ELOVL6: variants seen among roughly 807,000 people sequenced by gnomAD.
ELOVL6 encodes ELOVL fatty acid elongase 6.
Under a neutral mutation model 31.7 loss-of-function variants are expected in ELOVL6, and 8 were observed. The ratio of observed to expected loss-of-function variants is 0.25; its 90% confidence interval spans 0.15 to 0.45. ELOVL6 has a LOEUF of 0.45. Ranked by LOEUF, ELOVL6 falls within the 20% of genes least tolerant of loss-of-function variation. The pLI, the probability that ELOVL6 is intolerant of heterozygous loss-of-function variation, is 1.00. For missense variants in ELOVL6, 126 were observed against 326.4 expected, an observed-to-expected ratio of 0.39 and a Z score of 4.73; for synonymous variants, 101 against 117.7, an observed-to-expected ratio of 0.86 and a Z score of 0.92.
At chr4:110,083,910 TAG>T (rs1208996335) in intron 2 of ELOVL6, among the ~76,000 whole-genome samples, 2 of 59,634 alleles carry the variant, frequency 3.4e-5, no homozygotes, top group African/African-American at 5.1e-5. Flanking sequence ...TATATACACA[TAG>T]AGAGAGAGAT....
chr4:110,125,642 G>A (rs1351629394), intron 1 of ELOVL6, among the ~76,000 whole-genome samples: 1 of 150,986 alleles, frequency 6.6e-6, no homozygotes, highest in African/African-American at 2.4e-5. Flanking sequence ...TCAACATAGT[G>A]AAACCCCATC....
chr4:110,129,038 G>T (rs1486929268), intron 1 of ELOVL6, among the ~76,000 whole-genome samples: 1 of 152,122 alleles, frequency 6.6e-6, no homozygotes, highest in African/African-American at 2.4e-5. Context: ...GTACTCAAAG[G>T]CAAACTTTTC....
chr4:110,152,001 T>G (rs1758292112), intron 1 of ELOVL6, among the ~76,000 whole-genome samples: 1 of 152,206 alleles, frequency 6.6e-6, no homozygotes, highest in Non-Finnish European at 1.5e-5. Flanking sequence ...TTGGCATCTC[T>G]AAGTTCTAAA....
At chr4:110,150,980 T>C (rs1227843914) in intron 1 of ELOVL6, among the ~76,000 whole-genome samples, 2 of 151,808 alleles carry the variant, frequency 1.3e-5, no homozygotes, top group Admixed American at 1.3e-4. Context: ...GAGGCGGAGG[T>C]TGCAGTGAGC....
In ELOVL6 at chr4:110,071,519, C is replaced by T. The variant is rs1483052155; in HGVS notation, c.222-11765G>A. ...GTGTGAACTGTGAAGTGTCTGGTCACGATATGCCACTACAGTGAGGGCAAA... is the reference window on the plus strand; with the variant it reads ...GTGTGAACTGTGAAGTGTCTGGTCATGATATGCCACTACAGTGAGGGCAAA... On this transcript the variant is annotated intron_variant, in intron 2 of 3. Transcript: ENST00000302274. 3.9e-5 allele frequency among the ~76,000 whole-genome samples: 6 copies of T among 152,284 alleles called. No homozygotes were observed. In the East Asian group the frequency reaches 5.8e-4, roughly 15 times the overall value.
At chr4:110,090,953 T>A (rs1264347425) in intron 2 of ELOVL6, among the ~76,000 whole-genome samples, 1 of 152,184 alleles carries the variant, frequency 6.6e-6, no homozygotes, top group Non-Finnish European at 1.5e-5. Context: ...TTATTTGTAA[T>A]TTTACCTTAT....
At chr4:110,165,809 A>AACATTTAC in intron 1 of ELOVL6, among the ~76,000 whole-genome samples, 1 of 152,192 alleles carries the variant, frequency 6.6e-6, no homozygotes, top group South Asian at 2.1e-4. Flanking sequence ...TGCAAAACCA[A>AACATTTAC]ACATTTACCC....
Position 110,088,541 on chromosome 4 carries a change from T to C in ELOVL6, c.221+16956A>G, listed in dbSNP as rs1211637991. Among the ~76,000 whole-genome samples, 7 of 152,298 alleles carry C rather than the reference T, an allele frequency of 4.6e-5. No homozygotes were observed. The South Asian group carries it at 1.2e-3, about 27-fold the overall frequency. ...TTCTGTTTCCTTCTCGAAAATTTCA[T>C]GTATAGAAGATTTGTTTTCACCATA... On this transcript the variant is annotated intron_variant, in intron 2 of 3. Transcript: ENST00000302274.
In ELOVL6 at chr4:110,181,168, C is replaced by T. The variant is rs1164082843; in HGVS notation, c.89+17079G>A. On this transcript the variant is annotated intron_variant, in intron 1 of 3. Coordinates refer to ENST00000302274, the MANE Select transcript of ELOVL6 (RefSeq NM_024090.3). ...AAAAAAAATTAAATTAAATTAAGGC[C>T]GGGCGCAGTGGCTCACGCCTGTAAT... Among the ~76,000 whole-genome samples, 7 of 151,916 alleles carry T rather than the reference C, an allele frequency of 4.6e-5. No homozygotes were observed. In the East Asian group the frequency reaches 7.7e-4, roughly 17 times the overall value.
At chr4:110,097,622 A>T (rs1465394918) in intron 2 of ELOVL6, among the ~76,000 whole-genome samples, 2 of 152,102 alleles carry the variant, frequency 1.3e-5, no homozygotes, top group Non-Finnish European at 2.9e-5. Flanking sequence ...GACCTTTCAA[A>T]CAGTCAGTGT....
chr4:110,113,409 T>C (rs376129171), intron 1 of ELOVL6, among the ~76,000 whole-genome samples: 4,702 of 73,430 alleles, frequency 0.064, 241 homozygotes, highest in African/African-American at 0.19. Context: ...TGAGACCCCC[T>C]CCATCTCTAC....
At position 110,126,194 on chromosome 4, in the gene ELOVL6, C is replaced by A. The variant is rs368729047; in HGVS notation, c.90-20566G>T. On this transcript the variant is annotated intron_variant, in intron 1 of 3. Transcript: ENST00000302274. ...AAGTAGCTAGGACTACAGGCATGTA[C>A]CGCCATGCCCAGATAATTTTTGTAT... Among the ~76,000 whole-genome samples the A allele has an allele frequency of 2.6e-4, 40 of 152,206 alleles. No homozygotes were observed. The East Asian group carries it at 7.4e-3, about 28-fold the overall frequency.
chr4:110,097,305 CAA>C (rs33970271), intron 2 of ELOVL6, among the ~76,000 whole-genome samples: 53 of 88,648 alleles, frequency 6.0e-4, no homozygotes, highest in Non-Finnish European at 6.4e-4. Flanking sequence ...ACTCCATCTC[CAA>C]AAAAAAAAAA....
At chr4:110,058,265 T>G (rs529482704) in intron 3 of ELOVL6, among the ~76,000 whole-genome samples, 14 of 152,098 alleles carry the variant, frequency 9.2e-5, no homozygotes, top group African/African-American at 3.4e-4. Context: ...GATCCGTGTG[T>G]GTAGGCGTTT....
intron 3 of ELOVL6, among the ~76,000 whole-genome samples, chr4:110,056,990 T>C (rs1027617185): frequency 2.6e-5 from 4 of 152,190 alleles, no homozygotes; most frequent in Non-Finnish European, 5.9e-5. Context: ...GGTGCTACAC[T>C]AATAGGTCTT....
At chr4:110,169,009 T>A (rs1450392664) in intron 1 of ELOVL6, among the ~76,000 whole-genome samples, 1 of 152,194 alleles carries the variant, frequency 6.6e-6, no homozygotes, top group East Asian at 1.9e-4. Context: ...TCACCCAGGC[T>A]GGTTTGCAAT....
intron 1 of ELOVL6, among the ~76,000 whole-genome samples, chr4:110,125,838 A>T (rs948393490): frequency 6.6e-6 from 1 of 151,762 alleles, no homozygotes; most frequent in African/African-American, 2.4e-5. Flanking sequence ...AAAAAAAAAA[A>T]ATAGAGATTT....
At chr4:110,057,020 CAGG>C (rs1159196352) in intron 3 of ELOVL6, among the ~76,000 whole-genome samples, 2 of 152,254 alleles carry the variant, frequency 1.3e-5, no homozygotes, top group African/African-American at 4.8e-5. Context: ...TCCTAAAAGT[CAGG>C]AGGACAGAGA....
chr4:110,124,952 G>A (rs1757454839), intron 1 of ELOVL6, among the ~76,000 whole-genome samples: 2 of 152,168 alleles, frequency 1.3e-5, no homozygotes. Flanking sequence ...TTCATCATGA[G>A]TCAGCAGTGA....
Sources: gnomAD v4.1 joint callset for allele counts (sites outside exome capture counted in the v4.1 genomes callset) on GRCh38, gnomAD v4.1.1 for gene constraint, MANE v1.5 for transcripts, NCBI Gene and HGNC (gene_info 2026-07-23, HGNC 2026-07-21) for gene names.